Variants in IGBP1 observed in about 807,000 individuals in gnomAD.
The protein encoded by IGBP1 is immunoglobulin-binding protein 1.
A neutral mutation model predicts 25.9 loss-of-function variants in IGBP1; 2 were observed. The observed-to-expected ratio is 0.08, with a 90% confidence interval of 0.03 to 0.24. The LOEUF (loss-of-function observed/expected upper bound fraction) is 0.24. Ranked by LOEUF, IGBP1 falls within the 10% of genes least tolerant of loss-of-function variation. The pLI is 1.00. For missense variants in IGBP1, 187 were observed against 260.4 expected, an observed-to-expected ratio of 0.72 and a Z score of 1.94; for synonymous variants, 96 against 93.4, an observed-to-expected ratio of 1.03 and a Z score of -0.16.
intron 6 of IGBP1, among the ~76,000 whole-genome samples, chrX:70,160,633 A>G (rs1232332760): frequency 8.9e-6 from 1 of 112,465 alleles, no homozygotes; most frequent in African/African-American, 3.2e-5. Context: ...GTGTTGAGAG[A>G]CATTGAAATA....
In IGBP1 at chrX:70,147,270, A is replaced by G. The variant is rs12353747; in HGVS notation, c.678+442A>G. On this transcript the variant is annotated intron_variant, in intron 4 of 6. Transcript: ENST00000356413. ...CCAACATGGCGAAACCCCCTCTACT[A>G]AAAATAGCCGGGTGTGGTGGTGCGC... Among the ~76,000 whole-genome samples, 265 of 110,983 alleles carry G rather than the reference A, an allele frequency of 2.4e-3. 2 individuals are homozygous for G. The highest frequency in any genetic ancestry group is 6.3e-3 in the African/African-American group (191 of 30,496).
chrX:70,135,685 G>T (rs2085090959), intron 3 of IGBP1, among the ~76,000 whole-genome samples: 1 of 111,676 alleles, frequency 9.0e-6, no homozygotes, highest in Non-Finnish European at 1.9e-5. Context: ...AGAAACAGTG[G>T]TGGGTGGAGA....
chrX:70,151,291 G>A (rs769386484), intron 6 of IGBP1, among the ~76,000 whole-genome samples: 2 of 110,910 alleles, frequency 1.8e-5, no homozygotes, highest in South Asian at 7.6e-4. Flanking sequence ...GAATATCTTA[G>A]TCCCTCTGAG....
chrX:70,141,732 A>T (rs770287085), intron 3 of IGBP1, among the ~76,000 whole-genome samples: 2 of 111,444 alleles, frequency 1.8e-5, no homozygotes, highest in African/African-American at 3.3e-5. Context: ...ACCTGGGGTA[A>T]CTAATCCAAT....
intron 6 of IGBP1, among the ~76,000 whole-genome samples, chrX:70,154,173 TCTC>T (rs780479545): frequency 3.7e-4 from 40 of 107,270 alleles, no homozygotes; most frequent in South Asian, 1.7e-3. Flanking sequence ...TTCACGCCAT[TCTC>T]CTGCCCCAGC....
Position 70,134,047 on chromosome X carries a change from G to A in IGBP1, c.100G>A (p.Gly34Ser), listed in dbSNP as rs2085079951. ...DEVEVATEPA[G>S]SRIVQEKVFK... ...AGTAGAAGTGGCGACTGAACCCGCC[G>A]GTTCCCGGATAGTCCAGGAGAAGGT... Residue 34 changes from glycine (G) to serine (S), a missense_variant, in exon 2 of 7, where the codon GGT becomes AGT. Coordinates refer to ENST00000356413, the MANE Select transcript of IGBP1 (RefSeq NM_001551.3). The A allele has an allele frequency of 3.3e-6, 4 of 1,211,451 alleles. No homozygotes were observed. The highest frequency in any genetic ancestry group is 2.2e-5 in the Admixed American group (1 of 46,138).
intron 3 of IGBP1, among the ~76,000 whole-genome samples, chrX:70,140,801 A>G (rs773333117): frequency 8.9e-6 from 1 of 111,828 alleles, no homozygotes; most frequent in Non-Finnish European, 1.9e-5. Context: ...TAATGAGTCT[A>G]GTTTTGGATT....
Position 70,133,889 on chromosome X carries a change from T to A in IGBP1, c.-59T>A. On this transcript the variant is annotated 5_prime_UTR_variant, in exon 2 of 7. Transcript: ENST00000356413. ...TTTGTCCGCGCTCGCCTAATTCTTC[T>A]TTATCAAGGTTGCCTTTGACCCCGG... The A allele has an allele frequency of 1.1e-5, 12 of 1,083,472 alleles. No individual in the cohort carries two copies. Among genetic ancestry groups the A allele is most frequent in the Admixed American group, 2.4e-5 (1 of 41,470 alleles). 89.3% of individuals were successfully genotyped at this position (1,083,472 alleles called of 1,213,427 possible).
At chrX:70,141,633 C>T (rs1425362412) in intron 3 of IGBP1, among the ~76,000 whole-genome samples, 1 of 111,234 alleles carries the variant, frequency 9.0e-6, no homozygotes, top group African/African-American at 3.3e-5. Flanking sequence ...ATAGTGGGTA[C>T]TTGGAGGTGT....
chrX:70,162,038 A>G (rs1393383497), intron 6 of IGBP1, among the ~76,000 whole-genome samples: 1 of 112,265 alleles, frequency 8.9e-6, no homozygotes, highest in African/African-American at 3.2e-5. Flanking sequence ...AATTAATTTT[A>G]TGTAGATACT....
intron 3 of IGBP1, among the ~76,000 whole-genome samples, chrX:70,143,942 C>T (rs1162902407): frequency 8.9e-6 from 1 of 112,487 alleles, no homozygotes; most frequent in East Asian, 2.8e-4. Context: ...CTGGAACGCA[C>T]TTTGAGAGGC....
chrX:70,137,924 GGAGTTCAA>G (rs995780998), intron 3 of IGBP1, among the ~76,000 whole-genome samples: 2 of 106,017 alleles, frequency 1.9e-5, no homozygotes, highest in Non-Finnish European at 3.9e-5. Flanking sequence ...CTTGAGGTCA[GGAGTTCAA>G]GACCAGCCTG....
At chrX:70,161,824 T>C (rs2085272374) in intron 6 of IGBP1, among the ~76,000 whole-genome samples, 1 of 111,447 alleles carries the variant, frequency 9.0e-6, no homozygotes, top group Non-Finnish European at 1.9e-5. Flanking sequence ...AAAAAACTGT[T>C]GGGGTGTTAA....
chrX:70,133,688 G>A (rs973503555), intron 1 of IGBP1, 35 bp from the exon 2 acceptor site: 14 of 434,310 alleles, frequency 3.2e-5, no homozygotes, highest in East Asian at 1.5e-4. Context: ...GTAAAACAGC[G>A]CCTAGGGTTT....
At chrX:70,154,119 G>A (rs1212883366) in intron 6 of IGBP1, among the ~76,000 whole-genome samples, 4 of 100,635 alleles carry the variant, frequency 4.0e-5, no homozygotes, top group Admixed American at 1.1e-4. Flanking sequence ...GGGCAGTGGC[G>A]CGATCTCGGC....
Position 70,134,254 on chromosome X carries a change from C to A in IGBP1, c.188+119C>A, listed in dbSNP as rs924540795. On this transcript the variant is annotated intron_variant, in intron 2 of 6. Transcript: ENST00000356413. Reference sequence around the variant, plus strand: ...GGTGAGAACGTTTCGTTCCTACTTACCACTGCGATCTTGTGTACATTGTTT... The same window carrying A: ...GGTGAGAACGTTTCGTTCCTACTTAACACTGCGATCTTGTGTACATTGTTT... The A allele has an allele frequency of 2.3e-5, 15 of 650,505 alleles. No homozygotes were observed. In the African/African-American group the frequency reaches 2.4e-4, roughly 10 times the overall value. The allele number at this position is 650,505 out of a possible 1,213,427, so 53.6% of individuals were successfully genotyped here. A position where few individuals can be genotyped will look rare whatever the true frequency, so the allele number is the denominator to read the frequency against.
chrX:70,144,741 C>G (rs1177056299), intron 3 of IGBP1, among the ~76,000 whole-genome samples: 1 of 98,692 alleles, frequency 1.0e-5, no homozygotes, highest in Admixed American at 1.1e-4. Flanking sequence ...CTCACTGCAA[C>G]CTCTCACTCC....
intron 6 of IGBP1, among the ~76,000 whole-genome samples, chrX:70,152,313 T>C (rs1426006526): frequency 8.9e-6 from 1 of 112,115 alleles, no homozygotes; most frequent in Non-Finnish European, 1.9e-5. Flanking sequence ...TGTTGCCCAA[T>C]GCAAGGGAGA....
chrX:70,163,884 G>A (rs898581086), intron 6 of IGBP1: 6 of 111,893 alleles, frequency 5.4e-5, no homozygotes, highest in Admixed American at 4.7e-4. Flanking sequence ...GGGGTGGAGG[G>A]GGAACCCATA....
Sources: gnomAD v4.1 joint callset for allele counts (sites outside exome capture counted in the v4.1 genomes callset) on GRCh38, gnomAD v4.1.1 for gene constraint, MANE v1.5 for transcripts, NCBI Gene and HGNC (gene_info 2026-07-23, HGNC 2026-07-21) for gene names.